Variants in FRMD4A observed in about 807,000 individuals in gnomAD.
FRMD4A encodes FERM domain-containing protein 4A.
A neutral mutation model predicts 129.1 loss-of-function variants in FRMD4A; 29 were observed. That is an observed-to-expected ratio of 0.22 (90% CI 0.17 to 0.31). The LOEUF (loss-of-function observed/expected upper bound fraction) is 0.31, where lower values mean the gene tolerates loss of function less well. Among genes scored for constraint, FRMD4A ranks in the 10% least tolerant of loss-of-function variants. FRMD4A has a pLI of 1.00. For missense variants in FRMD4A, 1,272 were observed against 1,375.8 expected (o/e 0.92, Z 1.19); for synonymous variants, 634 against 571.6 (o/e 1.11, Z -1.56).
chr10:14,002,864 A>G (rs891061085), intron 2 of FRMD4A, among the ~76,000 whole-genome samples: 4 of 152,130 alleles, frequency 2.6e-5, no homozygotes, highest in Non-Finnish European at 4.4e-5. Context: ...GAAGATGAAA[A>G]CACACGCAAA....
chr10:14,326,888 G>C (rs1052046201), intron 2 of FRMD4A: 3 of 398,570 alleles, frequency 7.5e-6, no homozygotes, highest in African/African-American at 6.2e-5. Context: ...AAAGATGGGA[G>C]AGGCAGCTTT....
At position 13,651,871 on chromosome 10, in the gene FRMD4A, G is replaced by A. The variant is rs143370908; in HGVS notation, c.*2+32C>T. ...AACACATGTGGGACCACAGACTCAT[G>A]GGCAGTAGGAACAAAACTCCCCTTA... On this transcript the variant is annotated intron_variant, in intron 24 of 24. Coordinates refer to ENST00000357447, the MANE Select transcript of FRMD4A (RefSeq NM_018027.5). 5.3e-5 allele frequency: 56 copies of A among 1,063,954 alleles called. No homozygotes were observed. The African/African-American group carries it at 7.5e-4, about 14-fold the overall frequency. 65.9% of individuals were successfully genotyped at this position (1,063,954 alleles called of 1,614,324 possible).
At chr10:14,245,528 A>G (rs530428298) in intron 2 of FRMD4A, among the ~76,000 whole-genome samples, 1 of 152,254 alleles carries the variant, frequency 6.6e-6, no homozygotes, top group East Asian at 1.9e-4. Context: ...TTACCCCCCA[A>G]ACTCATCTGT....
At chr10:13,879,139 T>G (rs1564960683) in intron 2 of FRMD4A, among the ~76,000 whole-genome samples, 1 of 152,116 alleles carries the variant, frequency 6.6e-6, no homozygotes, top group Non-Finnish European at 1.5e-5. Context: ...TCTATTTAAA[T>G]ATGAGATTTA....
chr10:14,048,028 T>C (rs888437417), intron 2 of FRMD4A, among the ~76,000 whole-genome samples: 2 of 152,148 alleles, frequency 1.3e-5, no homozygotes, highest in Non-Finnish European at 2.9e-5. Flanking sequence ...AAAAAATAGA[T>C]ATCATTGTCT....
At chr10:13,721,397 G>T (rs1054829092) in intron 12 of FRMD4A, among the ~76,000 whole-genome samples, 1 of 152,078 alleles carries the variant, frequency 6.6e-6, no homozygotes, top group East Asian at 1.9e-4. Flanking sequence ...GAGGAGAATC[G>T]CTGGAATCCA....
intron 2 of FRMD4A, among the ~76,000 whole-genome samples, chr10:14,208,420 C>T (rs1299597493): frequency 6.6e-6 from 1 of 152,132 alleles, no homozygotes; most frequent in Non-Finnish European, 1.5e-5. Flanking sequence ...TCCCGCCTTA[C>T]TCATATGCTC....
intron 2 of FRMD4A, among the ~76,000 whole-genome samples, chr10:14,188,893 G>A (rs76467440): frequency 0.018 from 2,720 of 152,236 alleles, 86 homozygotes; most frequent in African/African-American, 0.061. Flanking sequence ...GCAACGGAGC[G>A]AGGTTTTGTC....
intron 2 of FRMD4A, among the ~76,000 whole-genome samples, chr10:14,089,622 A>AC (rs1836518690): frequency 3.8e-5 from 1 of 26,092 alleles, no homozygotes; most frequent in Non-Finnish European, 7.7e-5. Context: ...TTCAAGCAAA[A>AC]AAAAAAACAA....
chr10:14,105,349 T>C (rs1837532375), intron 2 of FRMD4A, among the ~76,000 whole-genome samples: 1 of 152,174 alleles, frequency 6.6e-6, no homozygotes, highest in African/African-American at 2.4e-5. Context: ...GAAGATCACT[T>C]GAGCCCAGGA....
At chr10:14,266,043 A>T (rs1266413997) in intron 2 of FRMD4A, among the ~76,000 whole-genome samples, 1 of 152,142 alleles carries the variant, frequency 6.6e-6, no homozygotes, top group Non-Finnish European at 1.5e-5. Context: ...CTTGGAAGCA[A>T]CAAACATAAA....
intron 2 of FRMD4A, among the ~76,000 whole-genome samples, chr10:14,259,627 A>C (rs1212647662): frequency 6.6e-6 from 1 of 152,226 alleles, no homozygotes; most frequent in Non-Finnish European, 1.5e-5. Context: ...TTTACTTTTT[A>C]AACATCAACC....
chr10:13,709,326 T>C (rs1464871272), intron 12 of FRMD4A, among the ~76,000 whole-genome samples: 2 of 152,068 alleles, frequency 1.3e-5, no homozygotes, highest in Non-Finnish European at 2.9e-5. Flanking sequence ...AGTTTTCCCC[T>C]CTGTAAAATG....
intron 3 of FRMD4A, among the ~76,000 whole-genome samples, chr10:13,854,844 G>T (rs2094191857): frequency 6.6e-6 from 1 of 152,166 alleles, no homozygotes; most frequent in Non-Finnish European, 1.5e-5. Flanking sequence ...TATGCAACCT[G>T]CATGTGTCCA....
At chr10:13,661,036 G>GA (rs542238342) in intron 19 of FRMD4A, among the ~76,000 whole-genome samples, 429 of 152,236 alleles carry the variant, frequency 2.8e-3, no homozygotes, top group Non-Finnish European at 4.1e-3. Context: ...GGTTGGAGAA[G>GA]AAAAAATGAA....
intron 20 of FRMD4A, among the ~76,000 whole-genome samples, chr10:13,659,874 A>AC (rs1219915818): frequency 6.6e-6 from 1 of 151,434 alleles, no homozygotes. Flanking sequence ...CCCCAAAAAA[A>AC]ACCTCCCTAC....
At position 14,147,250 on chromosome 10, in the gene FRMD4A, AC is replaced by A. The variant is rs368970681; in HGVS notation, c.45+182807del. On this transcript the variant is annotated intron_variant, in intron 2 of 24. Transcript: ENST00000357447. ...GAGGGGGTCAGACAGTTCAGAGCCAACCCTGATGGTCATTATATTCCTAAGA... is the reference window on the plus strand; with the variant it reads ...GAGGGGGTCAGACAGTTCAGAGCCAACCTGATGGTCATTATATTCCTAAGA... Among the ~76,000 whole-genome samples the A allele has an allele frequency of 4.9e-4, 74 of 152,242 alleles. 1 individual carries two copies. In the East Asian group the frequency reaches 7.9e-3, roughly 16 times the overall value.
intron 12 of FRMD4A, chr10:13,710,452 C>T: frequency 6.6e-6 from 1 of 152,350 alleles, no homozygotes; most frequent in East Asian, 1.9e-4. Context: ...ATGGCCCCGT[C>T]TGTGGCTGCT....
chr10:13,926,411 G>A (rs924035744), intron 2 of FRMD4A, among the ~76,000 whole-genome samples: 2 of 152,040 alleles, frequency 1.3e-5, no homozygotes, highest in African/African-American at 4.8e-5. Flanking sequence ...TTTTGTGATG[G>A]GTATTGATTA....
Sources: allele counts gnomAD v4.1 joint callset (sites outside exome capture counted in the v4.1 genomes callset), GRCh38; gene constraint gnomAD v4.1.1; transcripts MANE v1.5; gene names NCBI Gene and HGNC (gene_info 2026-07-23, HGNC 2026-07-21).